Variants in PEX14 observed in about 807,000 individuals in gnomAD.
PEX14 encodes peroxisomal membrane protein PEX14.
Under a neutral mutation model 49.5 loss-of-function variants are expected in PEX14, and 15 were observed. That is an observed-to-expected ratio of 0.30 (90% CI 0.20 to 0.47). The LOEUF is 0.47. Among genes scored for constraint, PEX14 ranks in the 20% least tolerant of loss-of-function variants. The pLI, the probability that PEX14 is intolerant of heterozygous loss-of-function variation, is 1.00. For missense variants in PEX14, 398 were observed against 494.8 expected (o/e 0.80, Z 1.86); for synonymous variants, 210 against 212.7 (o/e 0.99, Z 0.11).
chr1:10,563,026 C>T (rs996920477), intron 3 of PEX14, among the ~76,000 whole-genome samples: 4 of 151,194 alleles, frequency 2.6e-5, no homozygotes, highest in Admixed American at 2.0e-4. Flanking sequence ...ATTCTCCTGC[C>T]TCAGCCTCCT....
chr1:10,496,714 T>C (rs904984705), intron 2 of PEX14, among the ~76,000 whole-genome samples: 1 of 151,854 alleles, frequency 6.6e-6, no homozygotes, highest in Non-Finnish European at 1.5e-5. Context: ...GCTCTGCTAG[T>C]GTTTCTGTGC....
intron 3 of PEX14, among the ~76,000 whole-genome samples, chr1:10,579,864 C>T (rs188499523): frequency 5.1e-4 from 78 of 152,018 alleles, no homozygotes; most frequent in African/African-American, 1.8e-3. Context: ...TATTTTGTGC[C>T]GACTTTCTGT....
chr1:10,489,527 T>C (rs1395880286), intron 1 of PEX14, among the ~76,000 whole-genome samples: 1 of 152,248 alleles, frequency 6.6e-6, no homozygotes, highest in Non-Finnish European at 1.5e-5. Flanking sequence ...GTCTGGCTGC[T>C]TGGGACTCAT....
Position 10,586,952 on chromosome 1 carries a change from A to C in PEX14, c.170-12286A>C, listed in dbSNP as rs182291864. 3.0e-4 allele frequency among the ~76,000 whole-genome samples: 45 copies of C among 152,134 alleles called. 1 individual carries two copies. The East Asian group carries it at 8.5e-3, about 29-fold the overall frequency. On this transcript the variant is annotated intron_variant, in intron 3 of 8. Transcript: ENST00000356607. ...CTTTCCGTATTATCCCACATATATA[A>C]AATTCAAAAGCAAGCAAACTGAATC...
intron 1 of PEX14, among the ~76,000 whole-genome samples, chr1:10,486,887 C>T (rs894249440): frequency 2.6e-5 from 4 of 151,980 alleles, no homozygotes; most frequent in African/African-American, 9.7e-5. Flanking sequence ...TGGGGTTTCA[C>T]CATCTTGGCC....
intron 1 of PEX14, 74 bp downstream of exon 1, chr1:10,475,076 G>C (rs889473173): frequency 4.2e-6 from 6 of 1,413,366 alleles, no homozygotes; most frequent in Non-Finnish European, 5.9e-6. Flanking sequence ...ACGGCTGGGA[G>C]CCGGGTAGGG....
chr1:10,607,651 C>T (rs918840288), intron 4 of PEX14, among the ~76,000 whole-genome samples: 20 of 152,258 alleles, frequency 1.3e-4, no homozygotes, highest in African/African-American at 4.1e-4. Context: ...GGTTGAACCT[C>T]TCTTTGTGTG....
chr1:10,630,554 T>C lies in PEX14; in HGVS notation c.*567T>C, dbSNP rs975521639. ...CACGCTGCGCTTCCGATGCCCCCGC[T>C]TGCCGTGTAATGGTTCAGCTAATCC... On this transcript the variant is annotated 3_prime_UTR_variant, in exon 9 of 9. Coordinates refer to ENST00000356607, the MANE Select transcript of PEX14 (RefSeq NM_004565.3). The surrounding 1 kb of genome is among the most constrained non-coding windows in gnomAD (Gnocchi z 4.1). The C allele has an allele frequency of 6.4e-6, 1 of 155,290 alleles. No individual in the cohort carries two copies. The highest frequency in any genetic ancestry group is 2.4e-5 in the African/African-American group (1 of 41,210). The allele number at this position is 155,290 out of a possible 1,614,324, so 9.6% of individuals were successfully genotyped here.
At chr1:10,544,087 C>T (rs1182666296) in intron 3 of PEX14, among the ~76,000 whole-genome samples, 1 of 152,198 alleles carries the variant, frequency 6.6e-6, no homozygotes, top group Admixed American at 6.5e-5. Context: ...TTTATGTAGA[C>T]AGTTCTACAG....
chr1:10,629,568 C>T lies in PEX14; in HGVS notation c.715C>T (p.Pro239Ser), dbSNP rs745559681. ...TCCATCCCCATCAGCCCCGAAGATC[C>T]CCTCCTGGCAGATCCCAGTCAAGTC... ...FPPSPSAPKI[P>S]SWQIPVKSPS... Residue 239 changes from proline to serine, a missense_variant, in exon 9 of 9, where the codon CCC becomes TCC. Pro to Ser is a moderately conservative substitution (Grantham distance 74). Transcript: ENST00000356607. The surrounding 1 kb of genome is among the most constrained non-coding windows in gnomAD (Gnocchi z 8.5). 4 of 1,613,960 alleles carry T rather than the reference C, an allele frequency of 2.5e-6. No homozygotes were observed. Among genetic ancestry groups the T allele is most frequent in the Admixed American group, 1.7e-5 (1 of 60,022 alleles).
intron 4 of PEX14, among the ~76,000 whole-genome samples, chr1:10,610,185 T>G (rs960443574): frequency 3.4e-5 from 5 of 148,518 alleles, no homozygotes; most frequent in Admixed American, 3.4e-4. Flanking sequence ...GATTCATGGT[T>G]TTTGCATCCT....
chr1:10,591,921 C>T (rs1640679626), intron 3 of PEX14, among the ~76,000 whole-genome samples: 1 of 152,106 alleles, frequency 6.6e-6, no homozygotes, highest in South Asian at 2.1e-4. Flanking sequence ...AAGTCCATGC[C>T]CCTCTCTCTG....
chr1:10,603,008 A>G (rs1448835411), intron 4 of PEX14, among the ~76,000 whole-genome samples: 4 of 152,288 alleles, frequency 2.6e-5, no homozygotes, highest in African/African-American at 7.2e-5. Context: ...TAGCTTTTCC[A>G]AGACCACCCC....
intron 1 of PEX14, among the ~76,000 whole-genome samples, chr1:10,487,642 A>C (rs1482911985): frequency 6.6e-6 from 1 of 151,178 alleles, no homozygotes; most frequent in Non-Finnish European, 1.5e-5. Context: ...GCGCCACCAC[A>C]CCAAGCTAAT....
At chr1:10,478,588 G>A (rs1349524725) in intron 1 of PEX14, among the ~76,000 whole-genome samples, 1 of 152,012 alleles carries the variant, frequency 6.6e-6, no homozygotes, top group Admixed American at 6.6e-5. Context: ...GTTTTATGTG[G>A]TTGATCTATT....
Position 10,613,445 on chromosome 1 carries a change from C to G in PEX14, c.299-4887C>G, listed in dbSNP as rs906948574. ...CCTTGGAAGGTTGGGTTTTGAAGAG[C>G]TCCATGCCCTTTGCTCTATAGCAGT... On this transcript the variant is annotated intron_variant, in intron 4 of 8. Transcript: ENST00000356607. This position sits in a 1 kb window ranked among gnomAD's most constrained non-coding sequence, Gnocchi z 5.0. Among the ~76,000 whole-genome samples the G allele has an allele frequency of 2.0e-5, 3 of 152,196 alleles. No homozygotes were observed. The highest frequency in any genetic ancestry group is 7.2e-5 in the African/African-American group (3 of 41,448).
intron 3 of PEX14, among the ~76,000 whole-genome samples, chr1:10,561,215 A>T (rs1226226525): frequency 1.3e-5 from 2 of 152,170 alleles, no homozygotes; most frequent in Non-Finnish European, 2.9e-5. Flanking sequence ...AATTAACACT[A>T]ATTCCATAAG....
intron 3 of PEX14, among the ~76,000 whole-genome samples, chr1:10,582,331 T>G (rs1005508253): frequency 6.6e-6 from 1 of 152,170 alleles, no homozygotes; most frequent in African/African-American, 2.4e-5. Flanking sequence ...CCACTATGGG[T>G]TGATCAGTAT....
rs537268028 is a variant in PEX14, at chr1:10,539,535, G to A, written c.169+3238G>A. 2.6e-5 allele frequency among the ~76,000 whole-genome samples: 4 copies of A among 151,924 alleles called. No individual in the cohort carries two copies. The highest frequency in any genetic ancestry group is 5.9e-5 in the Non-Finnish European group (4 of 68,016). On this transcript the variant is annotated intron_variant, in intron 3 of 8. Transcript: ENST00000356607. This position sits in a 1 kb window ranked among gnomAD's most constrained non-coding sequence, Gnocchi z 4.6. ...ATTCTGCAGATGACACATCAACTGC[G>A]GAGTCAGCCACACATCAAGATAATT... is the stretch of plus-strand genomic sequence containing the variant.
Sources: allele counts gnomAD v4.1 joint callset (sites outside exome capture counted in the v4.1 genomes callset), GRCh38; gene constraint gnomAD v4.1.1; non-coding constraint Gnocchi (gnomAD v3.1); transcripts MANE v1.5; gene names NCBI Gene and HGNC (gene_info 2026-07-23, HGNC 2026-07-21).